The following PSTPIP1 variants were observed in gnomAD, a reference collection of about 807,000 sequenced individuals.
The protein encoded by PSTPIP1 is proline-serine-threonine phosphatase interacting protein 1.
In PSTPIP1, 66 loss-of-function variants were observed where a neutral mutation model predicts 69.6. That is an observed-to-expected ratio of 0.95 (90% CI 0.78 to 1.16). The LOEUF is 1.16. Ranked by LOEUF, PSTPIP1 falls within the 50% of genes most tolerant of loss-of-function variation. PSTPIP1 has a pLI of 0.00. For missense variants in PSTPIP1, 603 were observed against 557.4 expected (o/e 1.08, Z -0.82); for synonymous variants, 266 against 222.7 (o/e 1.19, Z -1.73).
In PSTPIP1 at chr15:76,995,322, C is replaced by G; in HGVS notation, c.-252C>G. Reference sequence around the variant, plus strand: ...GGGCTGGACACCAGGGCCCGCCCTCCCATCACTGAGCTCCACTCCTTCCTC... The same window carrying G: ...GGGCTGGACACCAGGGCCCGCCCTCGCATCACTGAGCTCCACTCCTTCCTC... On this transcript the variant is annotated 5_prime_UTR_variant, in exon 1 of 15. Transcript: ENST00000558012. 2.9e-6 allele frequency: 4 copies of G among 1,399,508 alleles called. No individual in the cohort carries two copies. The highest frequency in any genetic ancestry group is 2.7e-5 in the East Asian group (1 of 37,088). 86.7% of individuals were successfully genotyped at this position (1,399,508 alleles called of 1,614,324 possible).
At position 77,027,118 on chromosome 15, in the gene PSTPIP1, CTG is replaced by C. The variant is rs921213612; in HGVS notation, c.355-723_355-722del. On this transcript the variant is annotated intron_variant, in intron 5 of 14. Coordinates refer to ENST00000558012, the MANE Select transcript of PSTPIP1 (RefSeq NM_003978.5). This position sits in a 1 kb window ranked among gnomAD's most constrained non-coding sequence, Gnocchi z 4.3. Reference sequence around the variant, plus strand: ...GCCCTGTGCACTTGGGTGTTTTGTGCTGTGTGTGTGTGAGTGCCTGTGCCTCG... The same window carrying C: ...GCCCTGTGCACTTGGGTGTTTTGTGCTGTGTGTGTGAGTGCCTGTGCCTCG... Among the ~76,000 whole-genome samples, 5 of 152,196 alleles carry C rather than the reference CTG, an allele frequency of 3.3e-5. 1 individual carries two copies. The highest frequency in any genetic ancestry group is 9.6e-5 in the African/African-American group (4 of 41,514).
chr15:77,025,791 C>T (rs1454108320), intron 5 of PSTPIP1, among the ~76,000 whole-genome samples, 187 bp downstream of exon 5: 2 of 152,172 alleles, frequency 1.3e-5, no homozygotes, highest in South Asian at 2.1e-4. Flanking sequence ...GGCCTGGCCG[C>T]TGGCACTAAG....
Position 77,028,265 on chromosome 15 carries a change from G to C in PSTPIP1, c.418-289G>C, listed in dbSNP as rs2076332670. 4 of 500,146 alleles carry C rather than the reference G, an allele frequency of 8.0e-6. No homozygotes were observed. The East Asian group carries it at 1.4e-4, about 17-fold the overall frequency. 31.0% of individuals were successfully genotyped at this position (500,146 alleles called of 1,614,324 possible). On this transcript the variant is annotated intron_variant, in intron 6 of 14. Transcript: ENST00000558012. ...TCCTAAGAGGGCGCGGCGTGGCGAGGGGCGTGGCGAGGGGCGTGCCCTCGC... is the reference window on the plus strand; with the variant it reads ...TCCTAAGAGGGCGCGGCGTGGCGAGCGGCGTGGCGAGGGGCGTGCCCTCGC...
chr15:77,028,256 C>CGTGGCGAGGGGG, intron 6 of PSTPIP1: 1 of 495,882 alleles, frequency 2.0e-6, no homozygotes, highest in African/African-American at 2.0e-5. Flanking sequence ...GAGGGCGCGG[C>CGTGGCGAGGGGG]GTGGCGAGGG....
At chr15:77,030,720 T>TCACAGGCCAGGGCCCAG in intron 9 of PSTPIP1, 139 bp downstream of exon 9, 2 of 897,924 alleles carry the variant, frequency 2.2e-6, no homozygotes, top group Non-Finnish European at 3.3e-6. Context: ...AGCCTCCTGC[T>TCACAGGCCAGGGCCCAG]CACAGGCCTG....
At chr15:77,033,024 T>C (rs2076460777) in intron 12 of PSTPIP1, 72 bp downstream of exon 12, 2 of 1,429,948 alleles carry the variant, frequency 1.4e-6, no homozygotes, top group Non-Finnish European at 1.9e-6. Flanking sequence ...CCTCTGCACC[T>C]GGCCCTTCCT....
chr15:76,994,687 C>T, upstream of PSTPIP1: 1 of 1,182,902 alleles, frequency 8.5e-7, no homozygotes, highest in South Asian at 1.3e-5. Context: ...CTCACCTTGC[C>T]TCTGTGTGCT....
intron 14 of PSTPIP1, 124 bp downstream of exon 14, chr15:77,036,059 C>T: frequency 7.6e-7 from 1 of 1,316,530 alleles, no homozygotes. Flanking sequence ...AGCATCCTCT[C>T]CTCCTCAGGA....
At chr15:77,033,012 CTCCTCTGCACCTGGCCCT>C in intron 12 of PSTPIP1, 60 bp downstream of exon 12, 2 of 1,486,246 alleles carry the variant, frequency 1.3e-6, no homozygotes, top group South Asian at 2.4e-5. Flanking sequence ...GGTCGAGCCC[CTCCTCTGCACCTGGCCCT>C]TCCTCGTTCA....
Position 77,028,615 on chromosome 15 carries a change from GCATTAGCGCCAACGGCCA to G in PSTPIP1, c.481_498del (p.Ile161_His166del). The G allele has an allele frequency of 6.3e-7, 1 of 1,593,212 alleles. No individual in the cohort carries two copies. Among genetic ancestry groups the G allele is most frequent in the Non-Finnish European group, 8.5e-7 (1 of 1,171,034 alleles). On this transcript the variant is annotated inframe_deletion, in exon 7 of 15. Transcript: ENST00000558012. ...GACGACGCGGAGCAGGCCTTCGAGCGCATTAGCGCCAACGGCCACCAGAAGCAGGTGGAGAAGGTGCGC... is the reference window on the plus strand; with the variant it reads ...GACGACGCGGAGCAGGCCTTCGAGCGCCAGAAGCAGGTGGAGAAGGTGCGC...
chr15:77,030,457 AGGAGCTCGTGTCAG>A, intron 8 of PSTPIP1, 31 bp from the exon 9 acceptor site: 1 of 1,586,788 alleles, frequency 6.3e-7, no homozygotes, highest in Non-Finnish European at 8.6e-7. Context: ...ACAGGGGTGG[AGGAGCTCGTGTCAG>A]GGCCCTCCCT....
intron 5 of PSTPIP1, chr15:77,026,015 C>A: frequency 2.3e-6 from 1 of 444,046 alleles, no homozygotes; most frequent in South Asian, 1.6e-5. Flanking sequence ...CAGCCAGTCA[C>A]CCCACAGGAC....
intron 8 of PSTPIP1, 140 bp downstream of exon 8, chr15:77,029,714 C>A: frequency 2.9e-6 from 3 of 1,035,400 alleles, no homozygotes; most frequent in Non-Finnish European, 4.2e-6. Context: ...CAGATATGTG[C>A]CGTCAAAGTA....
Position 77,036,051 on chromosome 15 carries a change from C to T in PSTPIP1, c.1119+116C>T, listed in dbSNP as rs191280635. 4 of 1,340,152 alleles carry T rather than the reference C, an allele frequency of 3.0e-6. No individual in the cohort carries two copies. The African/African-American group carries it at 5.9e-5, about 20-fold the overall frequency. 83.0% of individuals were successfully genotyped at this position (1,340,152 alleles called of 1,614,324 possible). ...CCTCATGGTTTCACTCATCTTCGAG[C>T]ATCCTCTCCTCCTCAGGAGGGCACG... On this transcript the variant is annotated intron_variant, in intron 14 of 14. Transcript: ENST00000558012.
intron 3 of PSTPIP1, 94 bp from the exon 4 acceptor site, chr15:77,025,190 G>GTCC: frequency 2.2e-6 from 3 of 1,377,728 alleles, no homozygotes; most frequent in Non-Finnish European, 3.1e-6. Context: ...CAAAATAAAA[G>GTCC]TCCTCCCCAC....
intron 1 of PSTPIP1, among the ~76,000 whole-genome samples, chr15:77,013,674 C>T (rs140840189): frequency 6.6e-6 from 1 of 152,196 alleles, no homozygotes; most frequent in Non-Finnish European, 1.5e-5. Context: ...AGGCTATTCT[C>T]ATGGACAGAA....
At chr15:77,016,194 C>T (rs117481034) in intron 1 of PSTPIP1, among the ~76,000 whole-genome samples, 1,721 of 152,322 alleles carry the variant, frequency 0.011, 17 homozygotes, top group Non-Finnish European at 0.018. Context: ...CCTTCTCTGG[C>T]CTCAGTTTCC....
At chr15:77,035,371 T>G in intron 12 of PSTPIP1, 137 bp from the exon 13 acceptor site, 2 of 901,220 alleles carry the variant, frequency 2.2e-6, no homozygotes, top group Non-Finnish European at 3.5e-6. Context: ...ATGACATCCA[T>G]GCCTGGAGGC....
chr15:77,017,916 G>A lies in PSTPIP1; in HGVS notation c.37-232G>A, dbSNP rs180730805. Among the ~76,000 whole-genome samples the A allele has an allele frequency of 2.6e-3, 394 of 152,314 alleles. 1 individual carries two copies. Among genetic ancestry groups the A allele is most frequent in the Non-Finnish European group, 4.0e-3 (272 of 68,014 alleles). ...TCCAGATGCCAGGCCCGGCACCCCC[G>A]GCCCTGTCAGCTGGGTGGGGCTCAC... On this transcript the variant is annotated intron_variant, in intron 1 of 14. Transcript: ENST00000558012.
Sources: gnomAD v4.1 joint callset for allele counts (sites outside exome capture counted in the v4.1 genomes callset) on GRCh38, gnomAD v4.1.1 for gene constraint, Gnocchi (gnomAD v3.1) non-coding constraint, MANE v1.5 for transcripts, NCBI Gene and HGNC (gene_info 2026-07-23, HGNC 2026-07-21) for gene names.